PDE1C: variants seen among roughly 807,000 people sequenced by gnomAD.
PDE1C encodes the protein dual specificity calcium/calmodulin-dependent 3',5'-cyclic nucleotide phosphodiesterase 1C.
In PDE1C, 62 loss-of-function variants were observed where a neutral mutation model predicts 93.1. The observed-to-expected ratio is 0.67, with a 90% confidence interval of 0.54 to 0.82. The LOEUF (loss-of-function observed/expected upper bound fraction) is 0.82. Ranked by LOEUF, PDE1C falls within the 40% of genes least tolerant of loss-of-function variation. The probability of loss-of-function intolerance (pLI) is 0.00; values close to 1 mark genes in which losing one functional copy is unlikely to be tolerated. For synonymous variants in PDE1C, 325 were observed against 310.1 expected, an observed-to-expected ratio of 1.05 and a Z score of -0.50; for missense variants, 742 against 884.6, an observed-to-expected ratio of 0.84 and a Z score of 2.04.
At chr7:31,727,868 C>T in the PDE1C span, among the ~76,000 whole-genome samples, 1 of 152,048 alleles carries the variant, frequency 6.6e-6, no homozygotes, top group Non-Finnish European at 1.5e-5. Flanking sequence ...ATAGTGAAAC[C>T]TCGTCTTTAC....
At chr7:31,877,872 A>G in intron 5 of PDE1C, 98 bp downstream of exon 5, 2 of 724,534 alleles carry the variant, frequency 2.8e-6, no homozygotes, top group South Asian at 3.6e-5. Context: ...AATAACTGGA[A>G]AAGTAACTGT....
intron 7 of PDE1C, among the ~76,000 whole-genome samples, chr7:31,855,989 T>C (rs1201475340): frequency 3.3e-5 from 5 of 152,112 alleles, no homozygotes; most frequent in Non-Finnish European, 7.4e-5. Flanking sequence ...GATTTTCTCT[T>C]GGAAATGAGC....
At chr7:32,059,768 T>G (rs1485736309) in intron 1 of PDE1C, among the ~76,000 whole-genome samples, 1 of 152,144 alleles carries the variant, frequency 6.6e-6, no homozygotes, top group Non-Finnish European at 1.5e-5. Flanking sequence ...AATGAGCTAA[T>G]CAGTGGCACC....
chr7:31,715,412 T>C, the PDE1C span, among the ~76,000 whole-genome samples: 2 of 152,168 alleles, frequency 1.3e-5, no homozygotes, highest in African/African-American at 2.4e-5. Flanking sequence ...CTAACTTTTG[T>C]ATTTTTAGTA....
chr7:31,621,037 CAAG>C, the PDE1C span, among the ~76,000 whole-genome samples: 1 of 151,458 alleles, frequency 6.6e-6, no homozygotes, highest in Non-Finnish European at 1.5e-5. Context: ...TGAAATGAAG[CAAG>C]AAGGGAAGTT....
Position 32,203,599 on chromosome 7 carries a change from CTTAA to C in PDE1C, c.136+5886_136+5889del, listed in dbSNP as rs372953812. 7.2e-3 allele frequency among the ~76,000 whole-genome samples: 1,096 copies of C among 152,214 alleles called. 15 individuals are homozygous for C. Among genetic ancestry groups the C allele is most frequent in the African/African-American group, 0.025 (1,041 of 41,530 alleles). ...ATCTATTTCCAAAAATACCTGGATT[CTTAA>C]TTAATCTCTATTTTCTTATTGCTTT... On this transcript the variant is annotated intron_variant, in intron 2 of 18. Transcript: ENST00000396193.
At chr7:32,356,854 T>C (rs539653290) in intron 1 of PDE1C, among the ~76,000 whole-genome samples, 2 of 152,152 alleles carry the variant, frequency 1.3e-5, no homozygotes. Flanking sequence ...CTGATTTCCA[T>C]AGCTAAGAGA....
At chr7:32,343,259 CA>C (rs2128080714) in intron 1 of PDE1C, among the ~76,000 whole-genome samples, 1 of 152,322 alleles carries the variant, frequency 6.6e-6, no homozygotes, top group East Asian at 1.9e-4. Flanking sequence ...ATTTAAACGT[CA>C]AATTTTGACA....
intron 1 of PDE1C, among the ~76,000 whole-genome samples, chr7:32,349,263 C>T (rs1224401259): frequency 6.6e-6 from 1 of 152,214 alleles, no homozygotes; most frequent in Non-Finnish European, 1.5e-5. Flanking sequence ...GCCCTGGGCC[C>T]TGGCAGGGCA....
At chr7:32,277,372 C>G (rs1361511510) in intron 1 of PDE1C, among the ~76,000 whole-genome samples, 2 of 152,216 alleles carry the variant, frequency 1.3e-5, no homozygotes, top group Non-Finnish European at 2.9e-5. Context: ...TAAGTCTTCT[C>G]AAATTGCCAA....
At chr7:32,119,967 C>T (rs1329589154) in intron 3 of PDE1C, among the ~76,000 whole-genome samples, 2 of 152,218 alleles carry the variant, frequency 1.3e-5, no homozygotes, top group Non-Finnish European at 1.5e-5. Context: ...CACTGGGACT[C>T]ATAACTGCCT....
intron 2 of PDE1C, among the ~76,000 whole-genome samples, chr7:32,042,715 G>T (rs1791993788): frequency 6.6e-6 from 1 of 152,174 alleles, no homozygotes; most frequent in South Asian, 2.1e-4. Context: ...TATATATGGG[G>T]TACAGACTAT....
the PDE1C span, among the ~76,000 whole-genome samples, chr7:31,676,808 T>C: frequency 6.6e-6 from 1 of 151,910 alleles, no homozygotes; most frequent in Admixed American, 6.6e-5. Flanking sequence ...GCCAGCCTAA[T>C]GAAAGAAAAA....
At chr7:32,357,585 G>T (rs546299484) in intron 1 of PDE1C, among the ~76,000 whole-genome samples, 1 of 152,266 alleles carries the variant, frequency 6.6e-6, no homozygotes, top group Admixed American at 6.5e-5. Flanking sequence ...ATAGAATTAG[G>T]CGGGCTAAAC....
At chr7:31,890,275 C>A (rs1052613904) in intron 2 of PDE1C, among the ~76,000 whole-genome samples, 1 of 152,226 alleles carries the variant, frequency 6.6e-6, no homozygotes, top group African/African-American at 2.4e-5. Flanking sequence ...TGCAGCTATT[C>A]ATGTGGAAAG....
chr7:31,835,020 G>T (rs1790883139), intron 11 of PDE1C, among the ~76,000 whole-genome samples: 2 of 152,194 alleles, frequency 1.3e-5, no homozygotes, highest in South Asian at 4.2e-4. Context: ...AGTCTCATGA[G>T]ATCTGATGGT....
chr7:31,713,524 C>T, the PDE1C span, among the ~76,000 whole-genome samples: 1 of 152,206 alleles, frequency 6.6e-6, no homozygotes, highest in Admixed American at 6.5e-5. Context: ...GACAGTGGCC[C>T]TCTTCCCACA....
chr7:31,899,286 C>T (rs1583858962), intron 2 of PDE1C, among the ~76,000 whole-genome samples: 1 of 152,146 alleles, frequency 6.6e-6, no homozygotes, highest in Middle Eastern at 3.4e-3. Flanking sequence ...CTACAGGTGC[C>T]TGCCACCACG....
intron 2 of PDE1C, among the ~76,000 whole-genome samples, chr7:31,908,627 C>A (rs539492785): frequency 3.9e-5 from 6 of 152,102 alleles, no homozygotes; most frequent in African/African-American, 1.4e-4. Flanking sequence ...ACAGATATGA[C>A]GTAGTTAATG....
Sources: gnomAD v4.1 joint callset for allele counts (sites outside exome capture counted in the v4.1 genomes callset) on GRCh38, gnomAD v4.1.1 for gene constraint, MANE v1.5 for transcripts, NCBI Gene and HGNC (gene_info 2026-07-23, HGNC 2026-07-21) for gene names.